CUX2: variants seen among roughly 807,000 people sequenced by gnomAD.
CUX2 encodes the protein cut like homeobox 2.
Under a neutral mutation model 144.8 loss-of-function variants are expected in CUX2, and 40 were observed. The observed-to-expected ratio is 0.28, with a 90% CI of 0.21 to 0.36. The LOEUF (loss-of-function observed/expected upper bound fraction) is 0.36. CUX2 is among the 10% of genes least tolerant of loss of function. The probability of loss-of-function intolerance (pLI) is 1.00; values close to 1 mark genes in which losing one functional copy is unlikely to be tolerated. For synonymous variants in CUX2, 827 were observed against 875.6 expected, an observed-to-expected ratio of 0.94 and a Z score of 0.98; for missense variants, 1,615 against 1,994.0, an observed-to-expected ratio of 0.81 and a Z score of 3.62.
At chr12:111,101,097 G>A (rs910109140) in intron 1 of CUX2, among the ~76,000 whole-genome samples, 1 of 152,184 alleles carries the variant, frequency 6.6e-6, no homozygotes, top group African/African-American at 2.4e-5. Context: ...TTTTGGAAGG[G>A]GTGTTGCTTT....
At chr12:111,203,451 G>A (rs1485466427) in intron 1 of CUX2, among the ~76,000 whole-genome samples, 5 of 151,704 alleles carry the variant, frequency 3.3e-5, no homozygotes, top group African/African-American at 1.2e-4. Context: ...AGGCTGAGGT[G>A]GGAGGATCGC....
chr12:111,146,167 G>A (rs941382763), intron 1 of CUX2, among the ~76,000 whole-genome samples: 4 of 152,172 alleles, frequency 2.6e-5, no homozygotes, highest in Non-Finnish European at 5.9e-5. Flanking sequence ...TGTTATAACT[G>A]ATGAACCCAC....
intron 1 of CUX2, among the ~76,000 whole-genome samples, chr12:111,158,487 A>AAAAC (rs541392971): frequency 7.9e-5 from 12 of 151,064 alleles, no homozygotes; most frequent in African/African-American, 2.9e-4. Context: ...AAAAAAAAAA[A>AAAAC]AGCTCAGCCA....
intron 1 of CUX2, among the ~76,000 whole-genome samples, chr12:111,169,429 G>A (rs1451583555): frequency 1.3e-5 from 2 of 152,164 alleles, no homozygotes; most frequent in Non-Finnish European, 2.9e-5. Flanking sequence ...GCGTCCGTAG[G>A]AACAGAACCC....
intron 1 of CUX2, among the ~76,000 whole-genome samples, chr12:111,075,280 A>G (rs1592867793): frequency 6.6e-6 from 1 of 152,242 alleles, no homozygotes; most frequent in African/African-American, 2.4e-5. Flanking sequence ...CAGCTCAGAC[A>G]GGATCAATAG....
intron 1 of CUX2, among the ~76,000 whole-genome samples, chr12:111,155,587 A>G (rs1050496456): frequency 5.3e-5 from 8 of 152,136 alleles, no homozygotes; most frequent in African/African-American, 1.9e-4. Flanking sequence ...CAGGGTGATG[A>G]GGTTTCTCCC....
At chr12:111,253,548 C>T (rs144854017) in intron 3 of CUX2, among the ~76,000 whole-genome samples, 20 of 152,296 alleles carry the variant, frequency 1.3e-4, no homozygotes, top group African/African-American at 1.9e-4. Context: ...CTGCACTTGA[C>T]GACTGTCCCA....
At chr12:111,038,643 G>A (rs1869578727) in intron 1 of CUX2, among the ~76,000 whole-genome samples, 1 of 152,252 alleles carries the variant, frequency 6.6e-6, no homozygotes. Flanking sequence ...GAACCCAGCA[G>A]CCTTTTCTGG....
Position 111,293,529 on chromosome 12 carries a change from A to G in CUX2, c.520A>G (p.Thr174Ala), listed in dbSNP as rs1376324528. ...AGGCATTCCCGGGAAAGCCCTCCTG[A>G]CAGAAACCTTGCTGCAGAGAAATGA... ...LPGIPGKALL[T>A]ETLLQRNEAE... is the part of the protein sequence containing the mutation. Residue 174 changes from threonine (T) to alanine (A), a missense_variant, in exon 6 of 22, where the codon ACA becomes GCA. This residue lies in a region of CUX2 where 295 missense variants were observed against 400.2 expected (regional missense o/e 0.74). Transcript: ENST00000261726. The surrounding 1 kb of genome is among the most constrained non-coding windows in gnomAD (Gnocchi z 4.5). 2 of 1,599,856 alleles carry G rather than the reference A, an allele frequency of 1.3e-6. No homozygotes were observed.
chr12:111,262,713 A>G (rs1884186922), intron 3 of CUX2, among the ~76,000 whole-genome samples: 1 of 152,182 alleles, frequency 6.6e-6, no homozygotes, highest in Non-Finnish European at 1.5e-5. Context: ...TTAATCACCA[A>G]TACATTTCCA....
chr12:111,260,306 TA>T (rs1884048408), intron 3 of CUX2, among the ~76,000 whole-genome samples: 1 of 146,818 alleles, frequency 6.8e-6, no homozygotes, highest in Admixed American at 6.8e-5. Context: ...CTACTGAAAA[TA>T]CAAAAAATTA....
chr12:111,100,608 CCCA>C (rs1323551489), intron 1 of CUX2, among the ~76,000 whole-genome samples: 6 of 152,112 alleles, frequency 3.9e-5, no homozygotes, highest in Non-Finnish European at 8.8e-5. Flanking sequence ...TGAGTGTACA[CCCA>C]CAAGTGTGTG....
chr12:111,216,021 C>T (rs1276137268), intron 2 of CUX2, among the ~76,000 whole-genome samples: 1 of 152,214 alleles, frequency 6.6e-6, no homozygotes, highest in South Asian at 2.1e-4. Context: ...AAAGTCACGC[C>T]GAGGCTTTAT....
In CUX2 at chr12:111,246,597, T is replaced by C. The variant is rs1007568194; in HGVS notation, c.223-17164T>C. On this transcript the variant is annotated intron_variant, in intron 3 of 21. Coordinates refer to ENST00000261726, the MANE Select transcript of CUX2 (RefSeq NM_015267.4). This position sits in a 1 kb window ranked among gnomAD's most constrained non-coding sequence, Gnocchi z 4.0. ...AATCTCCGGATTCTTAAAGATTGGC[T>C]AACATCAATCATTTTTAAAACCTGA... Among the ~76,000 whole-genome samples the C allele has an allele frequency of 1.3e-5, 2 of 152,222 alleles. No individual in the cohort carries two copies. Among genetic ancestry groups the C allele is most frequent in the East Asian group, 3.8e-4 (2 of 5,198 alleles).
At position 111,342,819 on chromosome 12, in the gene CUX2, C is replaced by T. The variant is rs560688411; in HGVS notation, c.3659+766C>T. Among the ~76,000 whole-genome samples, 27 of 151,672 alleles carry T rather than the reference C, an allele frequency of 1.8e-4. No homozygotes were observed. The East Asian group carries it at 2.0e-3, about 11-fold the overall frequency. On this transcript the variant is annotated intron_variant, in intron 21 of 21. Transcript: ENST00000261726. ...TTGAAACATACAAAAATTAGCTGGACGTGGTGGTGCATGCCTATAGTGTCA... is the reference window on the plus strand; with the variant it reads ...TTGAAACATACAAAAATTAGCTGGATGTGGTGGTGCATGCCTATAGTGTCA...
chr12:111,111,296 T>C (rs1160115819), intron 1 of CUX2, among the ~76,000 whole-genome samples: 1 of 151,460 alleles, frequency 6.6e-6, no homozygotes, highest in Admixed American at 6.6e-5. Flanking sequence ...AATGAGACTC[T>C]GTCTCAAAAG....
chr12:111,254,409 T>C (rs926448946), intron 3 of CUX2, among the ~76,000 whole-genome samples: 4 of 152,176 alleles, frequency 2.6e-5, no homozygotes, highest in South Asian at 2.1e-4. Flanking sequence ...TCATTGCAGG[T>C]TGAGGCATAG....
chr12:111,195,258 C>T (rs540662370), intron 1 of CUX2, among the ~76,000 whole-genome samples: 65 of 152,212 alleles, frequency 4.3e-4, no homozygotes, highest in African/African-American at 1.3e-3. Flanking sequence ...ACTGTTCCAT[C>T]GCTTAAAAAT....
At chr12:111,095,967 G>A (rs977010543) in intron 1 of CUX2, among the ~76,000 whole-genome samples, 1 of 152,212 alleles carries the variant, frequency 6.6e-6, no homozygotes, top group African/African-American at 2.4e-5. Flanking sequence ...CAGGAGCAGT[G>A]AGCTGGCCCT....
Sources: allele counts gnomAD v4.1 joint callset (sites outside exome capture counted in the v4.1 genomes callset), GRCh38; gene constraint gnomAD v4.1.1; regional missense constraint gnomAD v4.1.1; non-coding constraint Gnocchi (gnomAD v3.1); transcripts MANE v1.5; gene names NCBI Gene and HGNC (gene_info 2026-07-23, HGNC 2026-07-21).